Variants in NCOA1 observed in about 807,000 individuals in gnomAD.
The protein encoded by NCOA1 is nuclear receptor coactivator 1.
NCOA1 carries 35 observed loss-of-function variants against 150.9 expected under a neutral mutation model. The ratio of observed to expected loss-of-function variants is 0.23; its 90% confidence interval spans 0.18 to 0.31. NCOA1 has a LOEUF of 0.31. Ranked by LOEUF, NCOA1 falls within the 10% of genes least tolerant of loss-of-function variation. NCOA1 has a pLI of 1.00. For missense variants in NCOA1, 1,491 were observed against 1,749.3 expected (o/e 0.85, Z 2.63); for synonymous variants, 590 against 630.0 (o/e 0.94, Z 0.95).
intron 1 of NCOA1, among the ~76,000 whole-genome samples, chr2:24,563,269 A>T (rs1666359862): frequency 6.6e-6 from 1 of 152,338 alleles, no homozygotes; most frequent in South Asian, 2.1e-4. Flanking sequence ...AACTGGGGGC[A>T]TGTAAATAGG....
chr2:24,687,507 G>T (rs1672462649), intron 8 of NCOA1, among the ~76,000 whole-genome samples: 1 of 152,108 alleles, frequency 6.6e-6, no homozygotes. Context: ...GAACTTCCCT[G>T]AGACTGGGGT....
intron 1 of NCOA1, among the ~76,000 whole-genome samples, chr2:24,523,863 G>C (rs537712489): frequency 5.0e-4 from 64 of 127,530 alleles, no homozygotes; most frequent in African/African-American, 1.8e-3. Context: ...GAGGTGGAGG[G>C]TACAGTGAGC....
At chr2:24,665,543 T>C (rs1221718174) in intron 5 of NCOA1, among the ~76,000 whole-genome samples, 1 of 152,228 alleles carries the variant, frequency 6.6e-6, no homozygotes, top group Admixed American at 6.5e-5. Flanking sequence ...CAATTTACTT[T>C]ATATATTTTA....
At chr2:24,658,529 GATGGCTGT>G in intron 4 of NCOA1, 124 bp from the exon 5 acceptor site, 1 of 608,628 alleles carries the variant, frequency 1.6e-6, no homozygotes. Flanking sequence ...ATGTTTTTAT[GATGGCTGT>G]AATTATCTAT....
chr2:24,538,561 T>C (rs1665261033), intron 1 of NCOA1, among the ~76,000 whole-genome samples: 2 of 152,182 alleles, frequency 1.3e-5, no homozygotes, highest in African/African-American at 4.8e-5. Flanking sequence ...GATGCGATGT[T>C]CTCTTAAAAT....
chr2:24,764,734 G>C (rs771522000), intron 22 of NCOA1, among the ~76,000 whole-genome samples: 5 of 152,364 alleles, frequency 3.3e-5, no homozygotes, highest in Non-Finnish European at 5.9e-5. Flanking sequence ...CCTATGGACA[G>C]AAGAGTCATC....
intron 1 of NCOA1, among the ~76,000 whole-genome samples, chr2:24,557,181 G>A (rs1666105857): frequency 6.6e-6 from 1 of 151,616 alleles, no homozygotes; most frequent in South Asian, 2.1e-4. Flanking sequence ...GTTGGGGCGG[G>A]AATTGCCCTT....
chr2:24,500,893 G>A (rs1292279198), intron 1 of NCOA1, among the ~76,000 whole-genome samples: 1 of 152,040 alleles, frequency 6.6e-6, no homozygotes, highest in African/African-American at 2.4e-5. Flanking sequence ...TATTGAAAAT[G>A]GATATTTAGA....
intron 1 of NCOA1, among the ~76,000 whole-genome samples, chr2:24,525,484 A>T (rs1664614351): frequency 6.6e-6 from 1 of 151,996 alleles, no homozygotes; most frequent in Admixed American, 6.6e-5. Flanking sequence ...TCTCACTTCT[A>T]CTTGATTATC....
rs55733404 is a variant in NCOA1, at chr2:24,769,824, G to C, written c.*1433G>C. On this transcript the variant is annotated 3_prime_UTR_variant, in exon 23 of 23. Transcript: ENST00000348332. Reference sequence around the variant, plus strand: ...GCTTGAGAAAGGTATTGTGGAAGAAGCAAAGGTAGACCCCCATCACTCACC... The same window carrying C: ...GCTTGAGAAAGGTATTGTGGAAGAACCAAAGGTAGACCCCCATCACTCACC... 1.3e-3 allele frequency: 288 copies of C among 223,670 alleles called. No individual in the cohort carries two copies. Among genetic ancestry groups the C allele is most frequent in the Non-Finnish European group, 1.8e-3 (201 of 111,826 alleles). 13.9% of individuals were successfully genotyped at this position (223,670 alleles called of 1,614,324 possible). A position where few individuals can be genotyped will look rare whatever the true frequency, so the allele number is the denominator to read the frequency against.
chr2:24,756,830 T>TTAA (rs776947178), intron 20 of NCOA1, among the ~76,000 whole-genome samples: 100 of 152,316 alleles, frequency 6.6e-4, no homozygotes, highest in Admixed American at 1.8e-3. Flanking sequence ...TTCTACTTCC[T>TTAA]AATAGAGACT....
intron 1 of NCOA1, among the ~76,000 whole-genome samples, chr2:24,560,830 G>A (rs982422236): frequency 5.3e-5 from 8 of 152,122 alleles, no homozygotes; most frequent in Non-Finnish European, 1.0e-4. Flanking sequence ...ATAAAGTGAC[G>A]TACAAGGAAG....
chr2:24,555,186 A>G (rs547610911), intron 1 of NCOA1, among the ~76,000 whole-genome samples: 3 of 152,216 alleles, frequency 2.0e-5, no homozygotes, highest in Admixed American at 1.3e-4. Flanking sequence ...AATTAAAAGT[A>G]TTTTCTAATT....
intron 2 of NCOA1, among the ~76,000 whole-genome samples, chr2:24,577,940 G>A (rs540950786): frequency 6.6e-6 from 1 of 152,182 alleles, no homozygotes; most frequent in East Asian, 1.9e-4. Context: ...AACCTTATCT[G>A]AGTTTACCTG....
chr2:24,684,552 T>C (rs1672318750), intron 8 of NCOA1, among the ~76,000 whole-genome samples: 1 of 152,252 alleles, frequency 6.6e-6, no homozygotes, highest in Non-Finnish European at 1.5e-5. Context: ...TGCTCCCGGC[T>C]GCTTACAAGA....
chr2:24,522,531 A>C (rs1664458189), intron 1 of NCOA1, among the ~76,000 whole-genome samples: 3 of 152,226 alleles, frequency 2.0e-5, no homozygotes, highest in Admixed American at 6.5e-5. Context: ...TTTTAAAGGT[A>C]CAAAGAGCGT....
intron 7 of NCOA1, among the ~76,000 whole-genome samples, 175 bp from the exon 8 acceptor site, chr2:24,682,776 A>G (rs1308093304): frequency 6.7e-6 from 1 of 148,944 alleles, no homozygotes. Context: ...TCTGCATTTT[A>G]TCACTGATAT....
chr2:24,667,959 T>C (rs967540317), intron 6 of NCOA1, among the ~76,000 whole-genome samples: 1 of 152,216 alleles, frequency 6.6e-6, no homozygotes, highest in African/African-American at 2.4e-5. Flanking sequence ...ATCTGACATA[T>C]GACATACTTT....
At chr2:24,733,653 AGAATTGCTTGAAACTG>A (rs1276506588) in intron 17 of NCOA1, among the ~76,000 whole-genome samples, 1 of 152,206 alleles carries the variant, frequency 6.6e-6, no homozygotes. Flanking sequence ...CTGAGGCAGG[AGAATTGCTTGAAACTG>A]GGAGGTGGAG....
Sources: allele counts gnomAD v4.1 joint callset (sites outside exome capture counted in the v4.1 genomes callset), GRCh38; gene constraint gnomAD v4.1.1; transcripts MANE v1.5; gene names NCBI Gene and HGNC (gene_info 2026-07-23, HGNC 2026-07-21).